ARMH1: variants seen among roughly 807,000 people sequenced by gnomAD.
ARMH1 encodes armadillo-like helical domain containing protein 1.
In ARMH1, 34 loss-of-function variants were observed where a neutral mutation model predicts 50.2. The observed-to-expected ratio is 0.68, with a 90% CI of 0.51 to 0.90. The LOEUF is 0.90. Among genes scored for constraint, ARMH1 ranks in the 40% least tolerant of loss-of-function variants. The pLI, the probability that ARMH1 is intolerant of heterozygous loss-of-function variation, is 0.00. For synonymous variants in ARMH1, 221 were observed against 224.2 expected, an observed-to-expected ratio of 0.99 and a Z score of 0.13; for missense variants, 538 against 553.9, an observed-to-expected ratio of 0.97 and a Z score of 0.29.
At chr1:44,680,720 A>T (rs1203230115) in intron 1 of ARMH1, among the ~76,000 whole-genome samples, 1 of 152,046 alleles carries the variant, frequency 6.6e-6, no homozygotes, top group East Asian at 1.9e-4. Context: ...GCCCACGGAG[A>T]GGGTGGGTGC....
Position 44,725,290 on chromosome 1 carries a change from GC to G in ARMH1, c.1213del (p.Leu405CysfsTer10). 1 of 1,551,866 alleles carries G rather than the reference GC, an allele frequency of 6.4e-7. No homozygotes were observed. The highest frequency in any genetic ancestry group is 8.7e-7 in the Non-Finnish European group (1 of 1,147,016). On this transcript the variant is annotated frameshift_variant and splice_region_variant, in exon 12 of 12. Coordinates refer to ENST00000535358, the MANE Select transcript of ARMH1 (RefSeq NM_001145636.2). LOFTEE classifies it low-confidence loss of function (END_TRUNC). ...LAANTVNVTK[A>X]LCLHGSSYSM... Reference sequence around the variant, plus strand: ...CTCACGCCCGCCTTTCCTGCCTGCAGCCCTGTGCCTCCATGGCAGCTCCTAC... The same window carrying G: ...CTCACGCCCGCCTTTCCTGCCTGCAGCCTGTGCCTCCATGGCAGCTCCTAC...
chr1:44,697,924 C>G (rs1304465367), intron 3 of ARMH1, 139 bp from the exon 4 acceptor site: 7 of 562,510 alleles, frequency 1.2e-5, no homozygotes, highest in Middle Eastern at 4.9e-4. Context: ...AATTTCCACA[C>G]TCGTATCACT....
intron 6 of ARMH1, chr1:44,721,712 T>C (rs1052479996): frequency 7.2e-5 from 11 of 152,140 alleles, no homozygotes; most frequent in South Asian, 2.1e-4. Flanking sequence ...CTGGGTGACA[T>C]TTGTGGAGCT....
intron 6 of ARMH1, among the ~76,000 whole-genome samples, chr1:44,720,070 G>A (rs980427596): frequency 6.6e-5 from 10 of 152,054 alleles, no homozygotes; most frequent in African/African-American, 2.2e-4. Flanking sequence ...GGTGGCGGGC[G>A]CCTATAATCC....
At chr1:44,707,793 T>TA (rs1291413744) in intron 6 of ARMH1, among the ~76,000 whole-genome samples, 1 of 152,238 alleles carries the variant, frequency 6.6e-6, no homozygotes, top group Non-Finnish European at 1.5e-5. Flanking sequence ...AATATCGGCC[T>TA]AAGTTAGAGT....
At chr1:44,721,840 T>G (rs545706640) in intron 6 of ARMH1, 1 of 152,052 alleles carries the variant, frequency 6.6e-6, no homozygotes, top group African/African-American at 2.4e-5. Context: ...TAGTTGTTTT[T>G]CTCCACGGAA....
intron 1 of ARMH1, among the ~76,000 whole-genome samples, chr1:44,676,292 G>A (rs1645138640): frequency 1.3e-5 from 2 of 152,152 alleles, no homozygotes; most frequent in Admixed American, 6.5e-5. Flanking sequence ...ACATCCAAGT[G>A]GAGGTATCCA....
chr1:44,683,367 T>G lies in ARMH1; in HGVS notation c.-22-6309T>G, dbSNP rs1321274909. Among the ~76,000 whole-genome samples the G allele has an allele frequency of 6.6e-6, 1 of 152,154 alleles. No individual in the cohort carries two copies. Among genetic ancestry groups the G allele is most frequent in the African/African-American group, 2.4e-5 (1 of 41,420 alleles). ...TGGAGCTCAGGTGGGAGGCCCAGAC[T>G]GAGGAGACGGATTTGAGAGTCGTGC... On this transcript the variant is annotated intron_variant, in intron 1 of 11. Coordinates refer to ENST00000535358, the MANE Select transcript of ARMH1 (RefSeq NM_001145636.2). The surrounding 1 kb of genome is among the most constrained non-coding windows in gnomAD (Gnocchi z 4.2).
chr1:44,710,608 CAAA>C lies in ARMH1; in HGVS notation c.724+6454_724+6456del, dbSNP rs56731047. ...TAGGCAACAGAGCAAGACTCCGTCT[CAAA>C]AAAAAAAAAAAAAAAAAAGAAAAGA... is the stretch of plus-strand genomic sequence containing the variant. On this transcript the variant is annotated intron_variant, in intron 6 of 11. Coordinates refer to ENST00000535358, the MANE Select transcript of ARMH1 (RefSeq NM_001145636.2). Among the ~76,000 whole-genome samples the C allele has an allele frequency of 5.6e-3, 516 of 92,868 alleles. 3 individuals are homozygous for C. The highest frequency in any genetic ancestry group is 0.016 in the Middle Eastern group (3 of 182). 60.9% of individuals were successfully genotyped at this position (92,868 alleles called of 152,430 possible). A position where few individuals can be genotyped will look rare whatever the true frequency, so the allele number is the denominator to read the frequency against.
At chr1:44,704,749 C>T (rs1185653353) in intron 6 of ARMH1, among the ~76,000 whole-genome samples, 3 of 151,940 alleles carry the variant, frequency 2.0e-5, no homozygotes, top group African/African-American at 4.8e-5. Flanking sequence ...AGGCCTCAAG[C>T]GATCCTCTCA....
chr1:44,698,045 T>C lies in ARMH1; in HGVS notation c.276-18T>C. 1 of 1,513,590 alleles carries C rather than the reference T, an allele frequency of 6.6e-7. No individual in the cohort carries two copies. The highest frequency in any genetic ancestry group is 1.3e-5 in the South Asian group (1 of 79,554). The allele number at this position is 1,513,590 out of a possible 1,614,324, so 93.8% of individuals were successfully genotyped here. A position where few individuals can be genotyped will look rare whatever the true frequency, so the allele number is the denominator to read the frequency against. On this transcript the variant is annotated intron_variant, in intron 3 of 11. Transcript: ENST00000535358. ...CTTGACAAGAGTTTTATTTCTACTT[T>C]TCTATCCCTCTGGACAGTAATCGGT...
intron 4 of ARMH1, among the ~76,000 whole-genome samples, chr1:44,700,661 G>A (rs535389046): frequency 6.7e-6 from 1 of 150,368 alleles, no homozygotes; most frequent in South Asian, 2.1e-4. Context: ...ATAAAAAAAT[G>A]CATGTTTTAT....
intron 10 of ARMH1, 112 bp from the exon 11 acceptor site, chr1:44,725,024 T>G: frequency 6.6e-7 from 1 of 1,521,940 alleles, no homozygotes; most frequent in Non-Finnish European, 8.8e-7. Flanking sequence ...TTCCTGCCCT[T>G]TCGGTCAGGC....
intron 6 of ARMH1, among the ~76,000 whole-genome samples, chr1:44,704,626 C>G (rs1228117389): frequency 6.6e-6 from 1 of 151,784 alleles, no homozygotes; most frequent in East Asian, 1.9e-4. Flanking sequence ...ATTCTCCCTC[C>G]TCAACCTCCC....
chr1:44,699,664 C>A (rs1255827850), intron 4 of ARMH1, among the ~76,000 whole-genome samples: 1 of 151,942 alleles, frequency 6.6e-6, no homozygotes, highest in Non-Finnish European at 1.5e-5. Flanking sequence ...TTAGCCATGG[C>A]TGGTCTCAAA....
chr1:44,718,492 G>A (rs1046851722), intron 6 of ARMH1, among the ~76,000 whole-genome samples: 1 of 152,236 alleles, frequency 6.6e-6, no homozygotes, highest in Admixed American at 6.5e-5. Flanking sequence ...AGAGATGTCC[G>A]GTCTGCCATT....
intron 1 of ARMH1, among the ~76,000 whole-genome samples, chr1:44,680,919 A>G (rs1645287454): frequency 7.0e-6 from 1 of 142,542 alleles, no homozygotes; most frequent in African/African-American, 2.7e-5. Flanking sequence ...CCCTAATATC[A>G]TCAGCGTCTT....
In ARMH1 at chr1:44,700,974, A is replaced by C. The variant is rs1358845338; in HGVS notation, c.494A>C (p.Gln165Pro). 1 of 1,551,686 alleles carries C rather than the reference A, an allele frequency of 6.4e-7. No homozygotes were observed. The highest frequency in any genetic ancestry group is 8.7e-7 in the Non-Finnish European group (1 of 1,146,986). The change falls in exon 5 of 12, where the codon CAG becomes CCG. Residue 165 changes from glutamine (Q) to proline (P), a missense_variant. Coordinates refer to ENST00000535358, the MANE Select transcript of ARMH1 (RefSeq NM_001145636.2). ...GCAAAGTCTAAGTCAGAAGAGACCC[A>C]GGAGGAAGTGCAGGTTCTGTTGGAT... ...FLAKSKSEETQEEVQVLLDSL... is the reference protein window; with the variant it reads ...FLAKSKSEETPEEVQVLLDSL...
At chr1:44,701,676 C>G (rs1036947318) in intron 5 of ARMH1, among the ~76,000 whole-genome samples, 13 of 152,044 alleles carry the variant, frequency 8.6e-5, no homozygotes, top group African/African-American at 2.9e-4. Context: ...GGCCTGTAAT[C>G]CCAGCACTTT....
Sources: gnomAD v4.1 joint callset for allele counts (sites outside exome capture counted in the v4.1 genomes callset) on GRCh38, gnomAD v4.1.1 for gene constraint, Gnocchi (gnomAD v3.1) non-coding constraint, MANE v1.5 for transcripts, NCBI Gene and HGNC (gene_info 2026-07-23, HGNC 2026-07-21) for gene names.